The following INSL6 variants were observed in gnomAD, a reference collection of about 807,000 sequenced individuals.
INSL6 encodes insulin like 6.
A neutral mutation model predicts 9.4 loss-of-function variants in INSL6; 16 were observed. The ratio of observed to expected loss-of-function variants is 1.70; its 90% CI spans 1.15 to 2.59. The LOEUF (loss-of-function observed/expected upper bound fraction) is 2.59, where lower values mean the gene tolerates loss of function less well. INSL6 is among the 30% of genes most tolerant of loss of function. The pLI, the probability that INSL6 is intolerant of heterozygous loss-of-function variation, is 0.00. For synonymous variants in INSL6, 154 were observed against 96.9 expected, an observed-to-expected ratio of 1.59 and a Z score of -3.46; for missense variants, 391 against 257.3, an observed-to-expected ratio of 1.52 and a Z score of -3.56.
the INSL6 span, chr9:5,090,594 C>T: frequency 6.5e-7 from 1 of 1,549,780 alleles, no homozygotes; most frequent in African/African-American, 1.4e-5. Flanking sequence ...TGATTATTTG[C>T]TGTAGATGAA....
At chr9:5,118,439 T>A in the INSL6 span, among the ~76,000 whole-genome samples, 1 of 152,240 alleles carries the variant, frequency 6.6e-6, no homozygotes, top group Non-Finnish European at 1.5e-5. Flanking sequence ...AACTTGTAAC[T>A]ATTCACATTT....
chr9:5,075,919 G>A, the INSL6 span, among the ~76,000 whole-genome samples: 2 of 152,078 alleles, frequency 1.3e-5, no homozygotes, highest in Admixed American at 1.3e-4. Flanking sequence ...TTCATGGAAG[G>A]AGATCAAAAT....
chr9:5,134,058 C>A (rs891287039), intron 2 of INSL6, among the ~76,000 whole-genome samples: 1 of 152,038 alleles, frequency 6.6e-6, no homozygotes, highest in Non-Finnish European at 1.5e-5. Context: ...ACACGAGTAT[C>A]AACAGCTGAA....
At chr9:5,024,577 C>T in the INSL6 span, among the ~76,000 whole-genome samples, 1 of 152,066 alleles carries the variant, frequency 6.6e-6, no homozygotes, top group Non-Finnish European at 1.5e-5. Context: ...TTTCTACTCT[C>T]CAATACATAG....
chr9:5,145,237 G>T (rs1237399658), intron 2 of INSL6, among the ~76,000 whole-genome samples: 2 of 151,216 alleles, frequency 1.3e-5, no homozygotes, highest in Non-Finnish European at 1.5e-5. Flanking sequence ...AGCTTGGCCA[G>T]ATATGAAATT....
the INSL6 span, among the ~76,000 whole-genome samples, chr9:4,997,489 A>C: frequency 6.6e-6 from 1 of 152,148 alleles, no homozygotes; most frequent in Non-Finnish European, 1.5e-5. Context: ...ATCTTGCAAG[A>C]ACTCAGTATC....
chr9:5,167,904 G>A (rs1050306762), intron 1 of INSL6, among the ~76,000 whole-genome samples: 21 of 152,168 alleles, frequency 1.4e-4, no homozygotes, highest in Non-Finnish European at 2.9e-4. Flanking sequence ...CAGCCTCCAC[G>A]GTGATACCTC....
At chr9:5,069,150 T>C in the INSL6 span, 1 of 1,613,182 alleles carries the variant, frequency 6.2e-7, no homozygotes, top group Admixed American at 1.7e-5. Flanking sequence ...AGATGGAAAC[T>C]GTTCGCTCAG....
rs191531701 is a variant in INSL6 at position 5,178,945 on chromosome 9, G to A, written c.289+6369C>T. Among the ~76,000 whole-genome samples, 353 of 151,452 alleles carry A rather than the reference G, an allele frequency of 2.3e-3. 4 individuals carry two copies. The highest frequency in any genetic ancestry group is 5.4e-4 in the Non-Finnish European group (37 of 67,932). On this transcript the variant is annotated intron_variant, in intron 1 of 1. Coordinates refer to ENST00000381641, the MANE Select transcript of INSL6 (RefSeq NM_007179.3). ...CTAGGCAATAGCATTCAAGACACAG[G>A]CACAGGCAAATATTTCAAAACAAAA...
chr9:5,041,624 C>A, the INSL6 span: 1 of 499,540 alleles, frequency 2.0e-6, no homozygotes. Flanking sequence ...ACATGCGGCG[C>A]CTGGACTTTG....
At chr9:5,021,787 G>C in the INSL6 span, among the ~76,000 whole-genome samples, 2 of 152,108 alleles carry the variant, frequency 1.3e-5, no homozygotes, top group African/African-American at 4.8e-5. Flanking sequence ...GCCACGCCCA[G>C]CTAATTTTTT....
intron 1 of INSL6, among the ~76,000 whole-genome samples, chr9:5,177,882 T>G (rs1825348766): frequency 6.6e-6 from 1 of 151,902 alleles, no homozygotes; most frequent in Admixed American, 6.6e-5. Flanking sequence ...CTTTTTCTTC[T>G]TTTTCTTTTT....
At chr9:5,123,662 T>A (rs1213106738), downstream of INSL6, among the ~76,000 whole-genome samples, 3 of 151,990 alleles carry the variant, frequency 2.0e-5, no homozygotes, top group Admixed American at 2.0e-4. Context: ...TTTAGGTAGA[T>A]ACCCCATAGT....
the INSL6 span, among the ~76,000 whole-genome samples, chr9:5,022,666 C>T: frequency 6.6e-6 from 1 of 152,152 alleles, no homozygotes; most frequent in African/African-American, 2.4e-5. Flanking sequence ...ATATATATTT[C>T]TTATGTCTTT....
chr9:5,119,071 T>C (rs145947090), downstream of INSL6, among the ~76,000 whole-genome samples: 224 of 152,276 alleles, frequency 1.5e-3, 5 homozygotes, highest in South Asian at 0.025. Context: ...ACATATTTTA[T>C]CATGTTTTAA....
At chr9:5,049,946 A>G in the INSL6 span, among the ~76,000 whole-genome samples, 1 of 152,106 alleles carries the variant, frequency 6.6e-6, no homozygotes, top group African/African-American at 2.4e-5. Context: ...TACAGTAAAA[A>G]TGCAGTATTA....
At chr9:5,055,017 T>C in the INSL6 span, 2 of 582,078 alleles carry the variant, frequency 3.4e-6, no homozygotes, top group East Asian at 5.7e-5. Flanking sequence ...TTTAATAGCG[T>C]GAACCTATCA....
At chr9:5,113,633 T>G in the INSL6 span, 1 of 161,378 alleles carries the variant, frequency 6.2e-6, no homozygotes, top group East Asian at 1.9e-4. Context: ...GAACCTGGGC[T>G]GCCTGGCCAC....
rs1197201073 is a variant in INSL6, at chr9:5,164,217, A to G, written c.338T>C (p.Leu113Pro). ...EAVNSWEMQSLPEYKDKKGYS... is the reference protein window; with the variant it reads ...EAVNSWEMQSPPEYKDKKGYS... ...TCCCTTTTTATCCTTATACTCAGGT[A>G]GTGACTGCATTTCCCAACTGTTTAC... is the stretch of plus-strand genomic sequence containing the variant. Residue 113 changes from leucine to proline, a missense_variant, in exon 2 of 2, where the codon CTA (leucine) becomes CCA (proline). Transcript: ENST00000381641. The G allele has an allele frequency of 6.2e-7, 1 of 1,607,418 alleles. No homozygotes were observed. The highest frequency in any genetic ancestry group is 8.5e-7 in the Non-Finnish European group (1 of 1,177,842).
Sources: gnomAD v4.1 joint callset for allele counts (sites outside exome capture counted in the v4.1 genomes callset) on GRCh38, gnomAD v4.1.1 for gene constraint, MANE v1.5 for transcripts, NCBI Gene and HGNC (gene_info 2026-07-23, HGNC 2026-07-21) for gene names.